PCDHGA6: variants seen among roughly 807,000 people sequenced by gnomAD.
PCDHGA6 encodes the protein protocadherin gamma subfamily A, 6, also known as protocadherin gamma-A6.
A neutral mutation model predicts 60.6 loss-of-function variants in PCDHGA6; 41 were observed. That is an observed-to-expected ratio of 0.68 (90% confidence interval 0.53 to 0.88). The LOEUF (loss-of-function observed/expected upper bound fraction) is 0.88, where lower values mean the gene tolerates loss of function less well. Among genes scored for constraint, PCDHGA6 ranks in the 40% least tolerant of loss-of-function variants. PCDHGA6 has a pLI of 0.00. For missense variants in PCDHGA6, 1,312 were observed against 1,203.0 expected, an observed-to-expected ratio of 1.09 and a Z score of -1.34; for synonymous variants, 594 against 524.4, an observed-to-expected ratio of 1.13 and a Z score of -1.81.
intron 1 of PCDHGA6, chr5:141,428,160 T>C (rs761366261): frequency 6.4e-7 from 1 of 1,572,286 alleles, no homozygotes; most frequent in Non-Finnish European, 8.7e-7. Context: ...AACCTGCTGG[T>C]TGCTGTGCGT....
In PCDHGA6 at chr5:141,375,526, G is replaced by A. The variant is rs377448744; in HGVS notation, c.1443G>A (p.Val481=). The A allele has an allele frequency of 6.2e-7, 1 of 1,614,008 alleles. No individual in the cohort carries two copies. Among genetic ancestry groups the A allele is most frequent in the Non-Finnish European group, 8.5e-7 (1 of 1,179,926 alleles). The part of the protein sequence containing the change: ...IFSVNALDPD[V]DQNAQVSYSL... ...CTGTGAATGCACTGGACCCTGACGTGGACCAGAACGCCCAAGTCTCCTACT... is the reference window on the plus strand; with the variant it reads ...CTGTGAATGCACTGGACCCTGACGTAGACCAGAACGCCCAAGTCTCCTACT... The change falls in exon 1 of 4, where the codon GTG becomes GTA. Residue 481 remains valine (V), a synonymous_variant. Coordinates refer to ENST00000517434, the MANE Select transcript of PCDHGA6 (RefSeq NM_018919.3).
At chr5:141,496,164 C>T (rs745320704) in intron 2 of PCDHGA6, among the ~76,000 whole-genome samples, 1 of 152,084 alleles carries the variant, frequency 6.6e-6, no homozygotes, top group Non-Finnish European at 1.5e-5. Context: ...CCACCAGACA[C>T]CCTCCCATCC....
At chr5:141,386,640 A>G (rs1313920703) in intron 1 of PCDHGA6, among the ~76,000 whole-genome samples, 2 of 151,864 alleles carry the variant, frequency 1.3e-5, no homozygotes, top group African/African-American at 4.8e-5. Flanking sequence ...CCCAGGCTGG[A>G]TACATTTTAC....
intron 1 of PCDHGA6, among the ~76,000 whole-genome samples, chr5:141,474,643 CCTTA>C (rs1474125632): frequency 1.3e-5 from 2 of 152,134 alleles, no homozygotes; most frequent in Admixed American, 1.3e-4. Flanking sequence ...TCCTATATAT[CCTTA>C]CTTCTTTTCT....
Position 141,489,557 on chromosome 5 carries a change from T to C in PCDHGA6, c.2425-5250T>C, listed in dbSNP as rs150797955. 54 of 1,613,956 alleles carry C rather than the reference T, an allele frequency of 3.3e-5. 1 individual carries two copies. Among genetic ancestry groups the C allele is most frequent in the Non-Finnish European group, 4.3e-5 (51 of 1,180,004 alleles). On this transcript the variant is annotated intron_variant, in intron 1 of 3. Coordinates refer to ENST00000517434, the MANE Select transcript of PCDHGA6 (RefSeq NM_018919.3). The surrounding 1 kb of genome is among the most constrained non-coding windows in gnomAD (Gnocchi z 4.5). ...GCCAGCACCAGCTGCCTGCTGCCAG[T>C]GCAGGTGGTGACTGAACACCCCCTG...
At chr5:141,472,408 G>T (rs780468341) in intron 1 of PCDHGA6, among the ~76,000 whole-genome samples, 1 of 152,064 alleles carries the variant, frequency 6.6e-6, no homozygotes, top group Non-Finnish European at 1.5e-5. Flanking sequence ...AGGCGTGGTG[G>T]CACGCACCTG....
Position 141,424,835 on chromosome 5 carries a change from T to C in PCDHGA6, c.2424+48328T>C, listed in dbSNP as rs999861185. Among the ~76,000 whole-genome samples, 20 of 152,310 alleles carry C rather than the reference T, an allele frequency of 1.3e-4. No individual in the cohort carries two copies. The South Asian group carries it at 3.5e-3, about 27-fold the overall frequency. On this transcript the variant is annotated intron_variant, in intron 1 of 3. Coordinates refer to ENST00000517434, the MANE Select transcript of PCDHGA6 (RefSeq NM_018919.3). ...AAGCTTGATAGTTGCCTGACATACA[T>C]GTTATCTGAAGCAATGTCTAGGAAA... is the stretch of plus-strand genomic sequence containing the variant.
intron 1 of PCDHGA6, chr5:141,393,135 A>T: frequency 6.2e-7 from 1 of 1,613,294 alleles, no homozygotes; most frequent in Non-Finnish European, 8.5e-7. Context: ...AAATATTAAC[A>T]CCCTGGTTGA....
intron 1 of PCDHGA6, chr5:141,385,236 C>T: frequency 2.5e-6 from 4 of 1,614,152 alleles, no homozygotes; most frequent in Non-Finnish European, 3.4e-6. Flanking sequence ...TAGACATGCT[C>T]ATCAGCCAGG....
intron 1 of PCDHGA6, chr5:141,399,178 A>T: frequency 6.2e-7 from 1 of 1,613,892 alleles, no homozygotes; most frequent in Admixed American, 1.7e-5. Flanking sequence ...TCTACTTGAA[A>T]TGATTCTGGA....
intron 1 of PCDHGA6, chr5:141,420,995 C>T (rs1448491394): frequency 2.0e-6 from 1 of 503,150 alleles, no homozygotes; most frequent in East Asian, 3.3e-5. Flanking sequence ...CGCCGCTGCT[C>T]ACCAATCAGG....
chr5:141,489,636 C>A lies in PCDHGA6; in HGVS notation c.2425-5171C>A, dbSNP rs753380268. 3.8e-5 allele frequency: 62 copies of A among 1,614,074 alleles called. No individual in the cohort carries two copies. The highest frequency in any genetic ancestry group is 5.1e-5 in the Non-Finnish European group (60 of 1,180,038). ...TGGATCTCAATGACAACTCTCCTAG[C>A]TTTGCCACCCCTGAGCGAGAGATGC... is the stretch of plus-strand genomic sequence containing the variant. On this transcript the variant is annotated intron_variant, in intron 1 of 3. Coordinates refer to ENST00000517434, the MANE Select transcript of PCDHGA6 (RefSeq NM_018919.3). The surrounding 1 kb of genome is among the most constrained non-coding windows in gnomAD (Gnocchi z 4.5).
intron 1 of PCDHGA6, chr5:141,403,212 CG>C (rs1561686781): frequency 6.2e-7 from 1 of 1,613,952 alleles, no homozygotes; most frequent in African/African-American, 1.3e-5. Context: ...TTGGTCACCG[CG>C]GGTAGGATAG....
chr5:141,496,478 G>A lies in PCDHGA6; in HGVS notation c.2483+1613G>A, dbSNP rs150992994. 7.2e-3 allele frequency among the ~76,000 whole-genome samples: 1,093 copies of A among 152,228 alleles called. 19 individuals are homozygous for A. The highest frequency in any genetic ancestry group is 0.025 in the African/African-American group (1,039 of 41,518). ...CCAAGAGTTATCTTTCCCCCATCCT[G>A]CAACCAACCAAACCCTTGTTGCCAC... is the stretch of plus-strand genomic sequence containing the variant. On this transcript the variant is annotated intron_variant, in intron 2 of 3. Transcript: ENST00000517434.
intron 1 of PCDHGA6, chr5:141,421,504 C>A (rs757410882): frequency 1.2e-6 from 2 of 1,614,062 alleles, no homozygotes; most frequent in Admixed American, 1.7e-5. Context: ...CAGGATAGAC[C>A]GGGAGGAGCT....
At chr5:141,420,213 G>A in intron 1 of PCDHGA6, 1 of 1,611,648 alleles carries the variant, frequency 6.2e-7, no homozygotes, top group Non-Finnish European at 8.5e-7. Flanking sequence ...AACAAAGATA[G>A]CATGCTACTG....
chr5:141,404,572 A>G (rs755182149), intron 1 of PCDHGA6: 79 of 1,613,728 alleles, frequency 4.9e-5, no homozygotes, highest in Non-Finnish European at 6.0e-5. Context: ...GTGGAAGCCC[A>G]CCACTTAGCA....
chr5:141,443,367 C>T (rs1305408862), intron 1 of PCDHGA6, among the ~76,000 whole-genome samples: 1 of 151,712 alleles, frequency 6.6e-6, no homozygotes, highest in African/African-American at 2.4e-5. Flanking sequence ...TGCCTGTGGT[C>T]TCAGCTACTT....
chr5:141,478,323 G>A, intron 1 of PCDHGA6: 2 of 1,613,958 alleles, frequency 1.2e-6, no homozygotes, highest in Non-Finnish European at 8.5e-7. Flanking sequence ...TCACTGTACC[G>A]AACACCAGGG....
Sources: allele counts gnomAD v4.1 joint callset (sites outside exome capture counted in the v4.1 genomes callset), GRCh38; gene constraint gnomAD v4.1.1; non-coding constraint Gnocchi (gnomAD v3.1); transcripts MANE v1.5; gene names NCBI Gene and HGNC (gene_info 2026-07-23, HGNC 2026-07-21).